IFI27L1: variants seen among roughly 807,000 people sequenced by gnomAD.
The protein encoded by IFI27L1 is interferon alpha-inducible protein 27-like protein 1.
In IFI27L1, 3 loss-of-function variants were observed where a neutral mutation model predicts 9.2. The ratio of observed to expected loss-of-function variants is 0.32; its 90% CI spans 0.15 to 0.84. The LOEUF is 0.84. Among genes scored for constraint, IFI27L1 ranks in the 40% least tolerant of loss-of-function variants. The pLI is 0.56. For synonymous variants in IFI27L1, 53 were observed against 50.0 expected (o/e 1.06, Z -0.26); for missense variants, 133 against 134.2 (o/e 0.99, Z 0.05).
intron 1 of IFI27L1, among the ~76,000 whole-genome samples, chr14:94,090,603 A>G (rs1245950525): frequency 6.6e-6 from 1 of 152,170 alleles, no homozygotes; most frequent in African/African-American, 2.4e-5. Flanking sequence ...AGGTTTCAAG[A>G]TAACTTGGGG....
chr14:94,100,201 C>T (rs1886839910), intron 2 of IFI27L1: 1 of 870,934 alleles, frequency 1.1e-6, no homozygotes, highest in Admixed American at 6.2e-5. Context: ...AAGGGAGGTC[C>T]TGAGCCATGA....
intron 3 of IFI27L1, chr14:94,100,986 C>G: frequency 1.6e-6 from 1 of 617,558 alleles, no homozygotes; most frequent in East Asian, 2.7e-5. Flanking sequence ...GCTGGGGCTA[C>G]TCTCAGCTTC....
chr14:94,102,642 A>C lies in IFI27L1; in HGVS notation c.*74A>C. 1.2e-6 allele frequency: 1 copy of C among 815,150 alleles called. No homozygotes were observed. 50.5% of individuals were successfully genotyped at this position (815,150 alleles called of 1,614,324 possible). A position where few individuals can be genotyped will look rare whatever the true frequency, so the allele number is the denominator to read the frequency against. ...CTGGGCCTCTGGATGACAATCTTCCAAAGGACAAGTCTCCTACTCCCAAAA... is the reference window on the plus strand; with the variant it reads ...CTGGGCCTCTGGATGACAATCTTCCCAAGGACAAGTCTCCTACTCCCAAAA... On this transcript the variant is annotated 3_prime_UTR_variant, in exon 5 of 5. Transcript: ENST00000555523.
intron 3 of IFI27L1, among the ~76,000 whole-genome samples, chr14:94,101,613 C>T (rs1428931300): frequency 6.6e-6 from 1 of 152,206 alleles, no homozygotes. Context: ...CAGGCGTAAA[C>T]AAGCCTGGGA....
intron 1 of IFI27L1, among the ~76,000 whole-genome samples, chr14:94,083,954 G>C (rs1950344): frequency 0.32 from 47,946 of 151,822 alleles, 7,702 homozygotes; most frequent in Admixed American, 0.39. Flanking sequence ...AGGAAAGAAA[G>C]AGAGTCAATT....
intron 1 of IFI27L1, among the ~76,000 whole-genome samples, chr14:94,089,711 G>A (rs549692321): frequency 6.6e-6 from 1 of 152,220 alleles, no homozygotes; most frequent in Middle Eastern, 3.4e-3. Context: ...GAGTCACTCT[G>A]GTTCAAATGC....
In IFI27L1 at chr14:94,102,530, G is replaced by A. The variant is rs1370806659; in HGVS notation, c.277G>A (p.Ala93Thr). The change falls in exon 5 of 5, where the codon GCT becomes ACT. Residue 93 changes from alanine (A) to threonine (T), a missense_variant. By Grantham distance (58) the Ala-to-Thr change is moderately conservative. Transcript: ENST00000555523. ...AGTTATCGGGGGCTTTGCTGGGACAGCTCTTGGGGCCTGGCTGGGTTCACC... is the reference window on the plus strand; with the variant it reads ...AGTTATCGGGGGCTTTGCTGGGACAACTCTTGGGGCCTGGCTGGGTTCACC... ...SKVIGGFAGT[A>T]LGAWLGSPPS... 6.3e-7 allele frequency: 1 copy of A among 1,589,742 alleles called. No individual in the cohort carries two copies. Among genetic ancestry groups the A allele is most frequent in the Non-Finnish European group, 8.6e-7 (1 of 1,167,394 alleles).
chr14:94,098,789 A>G (rs567025222), intron 2 of IFI27L1, among the ~76,000 whole-genome samples: 4 of 152,236 alleles, frequency 2.6e-5, no homozygotes, highest in South Asian at 2.1e-4. Context: ...TGTCGTGCCT[A>G]TACACACATC....
chr14:94,088,185 CAG>C (rs1357350536), intron 1 of IFI27L1: 4 of 696,802 alleles, frequency 5.7e-6, no homozygotes, highest in Non-Finnish European at 1.0e-5. Context: ...GGAAGGGACA[CAG>C]GGGCTGTGCT....
intron 1 of IFI27L1, among the ~76,000 whole-genome samples, chr14:94,082,627 T>A (rs1192254341): frequency 3.3e-5 from 5 of 152,258 alleles, no homozygotes; most frequent in Non-Finnish European, 5.9e-5. Context: ...TATAAAAATC[T>A]TAGGTCTCTT....
At chr14:94,096,733 G>A (rs1886685260) in intron 1 of IFI27L1, 154 bp from the exon 2 acceptor site, 2 of 503,658 alleles carry the variant, frequency 4.0e-6, no homozygotes, top group Admixed American at 3.3e-5. Flanking sequence ...TAAATACTTA[G>A]GGTAGTTACT....
At chr14:94,100,605 C>T in intron 2 of IFI27L1, 134 bp from the exon 3 acceptor site, 1 of 1,564,880 alleles carries the variant, frequency 6.4e-7, no homozygotes, top group Non-Finnish European at 8.6e-7. Flanking sequence ...GACCTATGGC[C>T]TAGGATGAGT....
intron 1 of IFI27L1, among the ~76,000 whole-genome samples, chr14:94,085,547 C>T (rs1033213082): frequency 8.6e-5 from 13 of 152,042 alleles, no homozygotes; most frequent in Admixed American, 2.6e-4. Flanking sequence ...AAACACATTT[C>T]GGCGAAACAT....
At chr14:94,100,479 G>A (rs1353389617) in intron 2 of IFI27L1, 3 of 985,242 alleles carry the variant, frequency 3.0e-6, no homozygotes, top group African/African-American at 3.5e-5. Context: ...AGTGCTGCAG[G>A]GGGCCCAGCC....
intron 1 of IFI27L1, among the ~76,000 whole-genome samples, chr14:94,084,884 T>C (rs547254881): frequency 9.7e-4 from 147 of 152,326 alleles, no homozygotes; most frequent in African/African-American, 3.3e-3. Flanking sequence ...TCAAGGGAAA[T>C]TGGGTTTTTT....
intron 1 of IFI27L1, among the ~76,000 whole-genome samples, chr14:94,084,488 G>A (rs1233733548): frequency 6.6e-6 from 1 of 152,110 alleles, no homozygotes; most frequent in Non-Finnish European, 1.5e-5. Context: ...GAAACCAAAG[G>A]GACCGAGGGG....
chr14:94,081,734 T>C (rs1053919374), intron 1 of IFI27L1, among the ~76,000 whole-genome samples: 1 of 152,156 alleles, frequency 6.6e-6, no homozygotes, highest in Non-Finnish European at 1.5e-5. Context: ...TGTATTGTAA[T>C]TGTTTTGGGG....
rs543385249 is a variant in IFI27L1 at position 94,101,388 on chromosome 14, C to T, written c.62-426C>T. 7 of 236,740 alleles carry T rather than the reference C, an allele frequency of 3.0e-5. No individual in the cohort carries two copies. The East Asian group carries it at 3.1e-4, about 11-fold the overall frequency. The allele number at this position is 236,740 out of a possible 1,614,324, so 14.7% of individuals were successfully genotyped here. On this transcript the variant is annotated intron_variant, in intron 3 of 4. Transcript: ENST00000555523. ...TTTGGGGAGCCCTAGAGGACCCCCG[C>T]GTGCTGCTGCAGGGCCTTCAGGGCC...
At chr14:94,084,535 C>G (rs1394048869) in intron 1 of IFI27L1, among the ~76,000 whole-genome samples, 2 of 152,254 alleles carry the variant, frequency 1.3e-5, no homozygotes, top group East Asian at 3.9e-4. Context: ...GGTGCACAAA[C>G]CCAGTCAGAT....
Sources: allele counts gnomAD v4.1 joint callset (sites outside exome capture counted in the v4.1 genomes callset), GRCh38; gene constraint gnomAD v4.1.1; transcripts MANE v1.5; gene names NCBI Gene and HGNC (gene_info 2026-07-23, HGNC 2026-07-21).